Variants in NAV3 observed in about 807,000 individuals in gnomAD.
The protein encoded by NAV3 is pore membrane and/or filament interacting like protein 1.
NAV3 carries 87 observed loss-of-function variants against 244.7 expected under a neutral mutation model. The ratio of observed to expected loss-of-function variants is 0.36; its 90% CI spans 0.30 to 0.42. The LOEUF is 0.42. Among genes scored for constraint, NAV3 ranks in the 20% least tolerant of loss-of-function variants. NAV3 has a pLI of 1.00. For missense variants in NAV3, 2,663 were observed against 2,893.3 expected (o/e 0.92, Z 1.83); for synonymous variants, 1,126 against 1,042.2 (o/e 1.08, Z -1.55).
intron 2 of NAV3, among the ~76,000 whole-genome samples, chr12:77,586,245 A>G (rs1211173460): frequency 6.6e-6 from 1 of 152,170 alleles, no homozygotes; most frequent in Non-Finnish European, 1.5e-5. Flanking sequence ...TCTTCTTATC[A>G]TTGACCAATA....
intron 15 of NAV3, among the ~76,000 whole-genome samples, chr12:78,120,755 A>T (rs375858646): frequency 4.6e-5 from 7 of 152,198 alleles, no homozygotes; most frequent in East Asian, 1.9e-4. Context: ...CTGTTTTCTC[A>T]TCTGCAAAAT....
At chr12:77,954,930 CT>C (rs1302809217) in intron 3 of NAV3, among the ~76,000 whole-genome samples, 2 of 152,010 alleles carry the variant, frequency 1.3e-5, no homozygotes, top group African/African-American at 4.8e-5. Context: ...GATCATTTCC[CT>C]TTTTTGATTA....
rs74107127 is a variant in NAV3 at position 78,144,831 on chromosome 12, G to A, written c.4684-1538G>A. The stretch of plus-strand genomic sequence containing the variant: ...TGGGCAGGATAAACTGGCAAAAAAT[G>A]TAAAAAGTAGGCCGGGCACGGTGGG... On this transcript the variant is annotated intron_variant, in intron 20 of 39. Coordinates refer to ENST00000397909, the MANE Select transcript of NAV3 (RefSeq NM_001024383.2). Among the ~76,000 whole-genome samples, 424 of 141,104 alleles carry A rather than the reference G, an allele frequency of 3.0e-3. 3 individuals are homozygous for A. The highest frequency in any genetic ancestry group is 0.01 in the African/African-American group (388 of 38,240). 92.6% of individuals were successfully genotyped at this position (141,104 alleles called of 152,430 possible).
chr12:78,077,245 A>G (rs1049091469), intron 12 of NAV3, among the ~76,000 whole-genome samples: 2 of 152,210 alleles, frequency 1.3e-5, no homozygotes, highest in South Asian at 2.1e-4. Flanking sequence ...TAAAAGCTCA[A>G]TAAAGTTAAC....
At position 78,122,117 on chromosome 12, in the gene NAV3, C is replaced by T. The variant is rs2138688709; in HGVS notation, c.3927C>T (p.Ser1309=). ...GSAGGLSGSS[S]PLFNKPSDLT... Reference sequence around the variant, plus strand: ...CTGGTGGGCTAAGCGGCAGCAGCAGCCCTCTCTTCAATAAACCCTCAGACT... The same window carrying T: ...CTGGTGGGCTAAGCGGCAGCAGCAGTCCTCTCTTCAATAAACCCTCAGACT... The change falls in exon 16 of 40, where the codon AGC becomes AGT. Residue 1309 remains serine, a synonymous_variant. Transcript: ENST00000397909. 1 of 1,614,136 alleles carries T rather than the reference C, an allele frequency of 6.2e-7. No individual in the cohort carries two copies. The highest frequency in any genetic ancestry group is 8.5e-7 in the Non-Finnish European group (1 of 1,180,032).
intron 2 of NAV3, 30 bp downstream of exon 2, chr12:77,940,466 A>G: frequency 6.5e-7 from 1 of 1,549,150 alleles, no homozygotes; most frequent in Non-Finnish European, 8.9e-7. Context: ...AGAAAGCATG[A>G]AAGTCTCTGC....
intron 1 of NAV3, among the ~76,000 whole-genome samples, chr12:77,937,410 GA>G (rs1889426942): frequency 1.3e-5 from 2 of 152,174 alleles, no homozygotes; most frequent in African/African-American, 4.8e-5. Context: ...GATGAATTTG[GA>G]TAAAGGCTAA....
intron 2 of NAV3, among the ~76,000 whole-genome samples, chr12:77,717,816 T>C (rs931190788): frequency 1.3e-5 from 2 of 152,122 alleles, no homozygotes; most frequent in African/African-American, 4.8e-5. Context: ...ACTGTCTCAG[T>C]TGGTTTTGAT....
intron 2 of NAV3, among the ~76,000 whole-genome samples, chr12:77,589,856 C>G (rs1869825053): frequency 6.6e-6 from 1 of 152,202 alleles, no homozygotes; most frequent in African/African-American, 2.4e-5. Flanking sequence ...TTGGCGTTAG[C>G]CTGGATTTGG....
chr12:77,836,405 A>G (rs11106925), intron 1 of NAV3, among the ~76,000 whole-genome samples: 26,734 of 152,066 alleles, frequency 0.18, 5,778 homozygotes, highest in African/African-American at 0.52. Context: ...CTTCCCTCTC[A>G]GATTACTTGT....
At chr12:77,913,012 T>C (rs1244936041) in intron 1 of NAV3, among the ~76,000 whole-genome samples, 1 of 152,132 alleles carries the variant, frequency 6.6e-6, no homozygotes, top group East Asian at 1.9e-4. Context: ...TGACCCTTAA[T>C]AATTTTCAGT....
chr12:77,864,806 T>C (rs1180992874), intron 1 of NAV3, among the ~76,000 whole-genome samples: 5 of 152,026 alleles, frequency 3.3e-5, no homozygotes, highest in Non-Finnish European at 7.4e-5. Context: ...AAAGAATGTA[T>C]GCTTGATGAG....
At chr12:77,736,470 C>T (rs1005837292) in intron 2 of NAV3, among the ~76,000 whole-genome samples, 2 of 152,170 alleles carry the variant, frequency 1.3e-5, no homozygotes, top group Non-Finnish European at 2.9e-5. Context: ...GAAAGATTAA[C>T]TAGGGGTCTG....
Position 78,051,137 on chromosome 12 carries a change from A to G in NAV3, c.2506A>G (p.Ile836Val), listed in dbSNP as rs150674449. ...ILGKSLRTDD[I>V]NSGYMTDGGL... ...TGGGAAAAGTCTCAGGACTGATGAC[A>G]TCAACAGTGGGTAAGTAACCCTGTT... Residue 836 changes from isoleucine (I) to valine (V), a missense_variant, in exon 11 of 40, where the codon ATC becomes GTC. Around this residue, in one of 6 missense-constraint regions of NAV3, gnomAD observed 1,521 missense variants for 1,497.0 expected, o/e 1.02. Coordinates refer to ENST00000397909, the MANE Select transcript of NAV3 (RefSeq NM_001024383.2). 1.7e-5 allele frequency: 28 copies of G among 1,604,560 alleles called. No individual in the cohort carries two copies. The South Asian group carries it at 2.2e-4, about 13-fold the overall frequency.
chr12:77,614,621 C>T (rs1273357259), intron 2 of NAV3, among the ~76,000 whole-genome samples: 1 of 152,106 alleles, frequency 6.6e-6, no homozygotes, highest in South Asian at 2.1e-4. Flanking sequence ...GCATTTAAGA[C>T]CACGAGTTGT....
intron 1 of NAV3, among the ~76,000 whole-genome samples, chr12:77,867,005 A>AAAC (rs1880144489): frequency 6.6e-6 from 1 of 152,218 alleles, no homozygotes; most frequent in South Asian, 2.1e-4. Flanking sequence ...TTGTGACACT[A>AAAC]AACACTTTGG....
intron 16 of NAV3, among the ~76,000 whole-genome samples, chr12:78,126,272 A>G (rs1173342117): frequency 6.6e-6 from 1 of 152,176 alleles, no homozygotes; most frequent in East Asian, 1.9e-4. Context: ...TTTTACATTC[A>G]TGTTATATCA....
At chr12:77,940,511 G>A in intron 2 of NAV3, 75 bp downstream of exon 2, 1 of 1,122,730 alleles carries the variant, frequency 8.9e-7, no homozygotes, top group Non-Finnish European at 1.3e-6. Flanking sequence ...CTTAAGTTAA[G>A]CGCCTTACTG....
intron 2 of NAV3, among the ~76,000 whole-genome samples, chr12:77,648,698 T>C (rs1872701363): frequency 6.6e-6 from 1 of 152,138 alleles, no homozygotes; most frequent in African/African-American, 2.4e-5. Context: ...TTTTATTTGC[T>C]TGACTTTTGC....
Sources: gnomAD v4.1 joint callset for allele counts (sites outside exome capture counted in the v4.1 genomes callset) on GRCh38, gnomAD v4.1.1 for gene constraint, gnomAD v4.1.1 regional missense constraint, MANE v1.5 for transcripts, NCBI Gene and HGNC (gene_info 2026-07-23, HGNC 2026-07-21) for gene names.